The following EGF variants were observed in gnomAD, a reference collection of about 807,000 sequenced individuals.
EGF encodes pro-epidermal growth factor.
In EGF, 95 loss-of-function variants were observed where a neutral mutation model predicts 143.8. The ratio of observed to expected loss-of-function variants is 0.66; its 90% CI spans 0.56 to 0.78. EGF has a LOEUF of 0.78. Ranked by LOEUF, EGF falls within the 30% of genes least tolerant of loss-of-function variation. The pLI is 0.00. For missense variants in EGF, 1,320 were observed against 1,470.9 expected, an observed-to-expected ratio of 0.90 and a Z score of 1.68; for synonymous variants, 510 against 510.5, an observed-to-expected ratio of 1.00 and a Z score of 0.01.
At chr4:109,958,787 G>A (rs966526979) in intron 5 of EGF, among the ~76,000 whole-genome samples, 2 of 151,772 alleles carry the variant, frequency 1.3e-5, no homozygotes, top group Non-Finnish European at 2.9e-5. Context: ...GTGTGGTGGT[G>A]TGCACCTGTA....
Position 109,993,313 on chromosome 4 carries a change from G to A in EGF, c.2801G>A (p.Gly934Glu). The A allele has an allele frequency of 6.2e-7, 1 of 1,613,910 alleles. No individual in the cohort carries two copies. The highest frequency in any genetic ancestry group is 1.1e-5 in the South Asian group (1 of 91,086). The change falls in exon 19 of 24, where the codon GGA becomes GAA. Residue 934 changes from glycine (G) to glutamate (E), a missense_variant. Gly to Glu is a moderately conservative substitution (Grantham distance 98, BLOSUM62 -2). Coordinates refer to ENST00000265171, the MANE Select transcript of EGF (RefSeq NM_001963.6). Reference protein sequence around the residue: ...GENASCTNTEGGYTCMCAGRL... With the variant: ...GENASCTNTEEGYTCMCAGRL... ...AATGCCAGCTGCACAAATACAGAGGGAGGCTATACCTGCATGTGTGCTGGA... is the reference window on the plus strand; with the variant it reads ...AATGCCAGCTGCACAAATACAGAGGAAGGCTATACCTGCATGTGTGCTGGA...
intron 1 of EGF, among the ~76,000 whole-genome samples, chr4:109,913,819 T>C (rs1736126601): frequency 6.6e-6 from 1 of 152,206 alleles, no homozygotes; most frequent in African/African-American, 2.4e-5. Context: ...GATTTTTTGT[T>C]TGTCTGTTTG....
chr4:109,959,407 GC>G lies in EGF; in HGVS notation c.1039del (p.Leu347Ter). On this transcript the variant is annotated frameshift_variant, in exon 6 of 24. Transcript: ENST00000265171. LOFTEE classifies it high-confidence loss of function. ...SHLCMCAEGY[A>X]LSRDRKYCED... ...CTTGTGCATGTGTGCAGAGGGATAC[GC>G]CCTAAGTCGAGACCGGAAGTACTGT... 1 of 1,612,884 alleles carries G rather than the reference GC, an allele frequency of 6.2e-7. No homozygotes were observed.
intron 1 of EGF, among the ~76,000 whole-genome samples, chr4:109,938,019 T>G (rs967992804): frequency 3.3e-5 from 5 of 152,144 alleles, no homozygotes; most frequent in East Asian, 1.9e-4. Flanking sequence ...GGAGTATCTT[T>G]GGGGGTGTTC....
intron 1 of EGF, among the ~76,000 whole-genome samples, chr4:109,932,263 G>C (rs888020840): frequency 6.7e-6 from 1 of 148,562 alleles, no homozygotes; most frequent in African/African-American, 2.5e-5. Context: ...ATTATGTACA[G>C]AGGATTGTAC....
intron 14 of EGF, 38 bp downstream of exon 14, chr4:109,980,177 G>A (rs1473114541): frequency 1.9e-6 from 3 of 1,545,238 alleles, no homozygotes; most frequent in African/African-American, 2.8e-5. Context: ...TTCCTTGGCT[G>A]GAATCTGCAA....
At chr4:109,913,564 T>C in intron 1 of EGF, 102 bp downstream of exon 1, 2 of 1,531,040 alleles carry the variant, frequency 1.3e-6, no homozygotes, top group Non-Finnish European at 1.8e-6. Flanking sequence ...AAGTTTGTCT[T>C]TGGGTATGTA....
At chr4:109,977,484 C>G (rs1748677946) in intron 13 of EGF, 1 of 151,528 alleles carries the variant, frequency 6.6e-6, no homozygotes, top group Non-Finnish European at 1.5e-5. Context: ...GAGGGTAAAA[C>G]AAATATGATA....
chr4:109,981,819 A>G (rs1287430870), intron 15 of EGF, among the ~76,000 whole-genome samples: 1 of 152,204 alleles, frequency 6.6e-6, no homozygotes, highest in East Asian at 1.9e-4. Flanking sequence ...AAGAATTTAT[A>G]TGCATTTCTT....
chr4:109,922,533 A>G (rs1257928494), intron 1 of EGF, among the ~76,000 whole-genome samples: 3 of 151,876 alleles, frequency 2.0e-5, no homozygotes, highest in Middle Eastern at 3.4e-3. Context: ...CAAGAGAGGC[A>G]GTGCCATTTT....
chr4:109,957,361 T>C (rs1261986147), intron 5 of EGF, among the ~76,000 whole-genome samples: 2 of 152,210 alleles, frequency 1.3e-5, no homozygotes, highest in Non-Finnish European at 2.9e-5. Context: ...CCATCTGGTT[T>C]AACCTTTACG....
At chr4:109,919,292 TC>T (rs1438800412) in intron 1 of EGF, among the ~76,000 whole-genome samples, 1 of 21,918 alleles carries the variant, frequency 4.6e-5, no homozygotes, top group Non-Finnish European at 8.2e-5. Context: ...TCTCTGTCTC[TC>T]TCTCTCTCTC....
At chr4:109,981,079 A>C in intron 15 of EGF, 104 bp downstream of exon 15, 2 of 1,514,164 alleles carry the variant, frequency 1.3e-6, no homozygotes, top group South Asian at 1.1e-5. Context: ...TGGATGTTAA[A>C]AGTTCTCCTG....
chr4:109,918,291 G>A (rs1737065811), intron 1 of EGF, among the ~76,000 whole-genome samples: 1 of 150,998 alleles, frequency 6.6e-6, no homozygotes, highest in Non-Finnish European at 1.5e-5. Flanking sequence ...GTAAAGGTGG[G>A]TTATTCATAG....
At chr4:109,996,369 G>T (rs17041171) in intron 20 of EGF, among the ~76,000 whole-genome samples, 11,507 of 152,158 alleles carry the variant, frequency 0.076, 1,348 homozygotes, top group African/African-American at 0.25. Flanking sequence ...TGACAAACTG[G>T]AGATAAGACT....
At chr4:109,949,654 A>T (rs528126440) in intron 5 of EGF, among the ~76,000 whole-genome samples, 82 of 148,942 alleles carry the variant, frequency 5.5e-4, no homozygotes, top group African/African-American at 1.3e-3. Context: ...AAATTTTTTT[A>T]AAAAAAGGAC....
rs764375422 is a variant in EGF at position 109,944,047 on chromosome 4, C to T, written c.715C>T (p.His239Tyr). ...CTGTGATTATGATGGAGGTTCTGTCCACATTAGTAAACATCCAACACAGTA... is the reference window on the plus strand; with the variant it reads ...CTGTGATTATGATGGAGGTTCTGTCTACATTAGTAAACATCCAACACAGTA... ...CSCDYDGGSVHISKHPTQHNL... is the reference protein window; with the variant it reads ...CSCDYDGGSVYISKHPTQHNL... The change falls in exon 4 of 24, where the codon CAC (histidine) becomes TAC (tyrosine). Residue 239 changes from histidine (H) to tyrosine (Y), a missense_variant. Around this residue, in one of 5 missense-constraint regions of EGF, gnomAD observed 1,186 missense variants for 1,313.7 expected, o/e 0.90. Transcript: ENST00000265171. The T allele has an allele frequency of 5.0e-6, 8 of 1,613,978 alleles. No homozygotes were observed. The Admixed American group carries it at 1.0e-4, about 20-fold the overall frequency.
At chr4:109,932,305 T>C (rs563719351) in intron 1 of EGF, among the ~76,000 whole-genome samples, 1 of 145,308 alleles carries the variant, frequency 6.9e-6, no homozygotes, top group East Asian at 2.0e-4. Context: ...TTAAAATGTT[T>C]AAAGAGCCTT....
rs539105815 is a variant in EGF at position 109,921,356 on chromosome 4, G to GT, written c.127+7905dup. 5.5e-3 allele frequency among the ~76,000 whole-genome samples: 805 copies of GT among 145,320 alleles called. 37 individuals are homozygous for GT. The highest frequency in any genetic ancestry group is 0.016 in the African/African-American group (643 of 39,206). On this transcript the variant is annotated intron_variant, in intron 1 of 23. Transcript: ENST00000265171. Reference sequence around the variant, plus strand: ...GGAATCTGAATTGGTGTGAGCATCTGTTTTTTTTTTTATTCTGACTTGATT... The same window carrying GT: ...GGAATCTGAATTGGTGTGAGCATCTGTTTTTTTTTTTTATTCTGACTTGATT...
Sources: gnomAD v4.1 joint callset for allele counts (sites outside exome capture counted in the v4.1 genomes callset) on GRCh38, gnomAD v4.1.1 for gene constraint, gnomAD v4.1.1 regional missense constraint, MANE v1.5 for transcripts, NCBI Gene and HGNC (gene_info 2026-07-23, HGNC 2026-07-21) for gene names.